The following RARB variants were observed in gnomAD, a reference collection of about 807,000 sequenced individuals.
RARB encodes the protein HBV-activated protein.
RARB carries 17 observed loss-of-function variants against 51.9 expected under a neutral mutation model. The observed-to-expected ratio is 0.33, with a 90% CI of 0.22 to 0.49. The LOEUF (loss-of-function observed/expected upper bound fraction) is 0.49. RARB is among the 20% of genes least tolerant of loss of function. The pLI is 0.99. For synonymous variants in RARB, 215 were observed against 195.4 expected, an observed-to-expected ratio of 1.10 and a Z score of -0.84; for missense variants, 369 against 550.8, an observed-to-expected ratio of 0.67 and a Z score of 3.30.
intron 5 of RARB, among the ~76,000 whole-genome samples, chr3:25,231,445 G>C (rs1019614047): frequency 6.6e-6 from 1 of 152,096 alleles, no homozygotes; most frequent in African/African-American, 2.4e-5. Context: ...TAGACCTTTA[G>C]CTTTATGTTC....
At chr3:24,894,802 A>T in intron 2 of RARB, among the ~76,000 whole-genome samples, 1 of 152,222 alleles carries the variant, frequency 6.6e-6, no homozygotes, top group East Asian at 1.9e-4. Context: ...AGAAACAGAA[A>T]TGAAGAAGAT....
intron 2 of RARB, among the ~76,000 whole-genome samples, chr3:24,999,616 T>G (rs564935861): frequency 6.6e-6 from 1 of 152,122 alleles, no homozygotes; most frequent in Non-Finnish European, 1.5e-5. Flanking sequence ...GTGCCCAAAT[T>G]CAAGACCAAC....
intron 2 of RARB, among the ~76,000 whole-genome samples, chr3:25,036,288 T>C (rs1414621782): frequency 1.3e-5 from 2 of 152,148 alleles, no homozygotes; most frequent in South Asian, 2.1e-4. Flanking sequence ...GTCAGAGCTG[T>C]TATGAAACTC....
intron 3 of RARB, among the ~76,000 whole-genome samples, chr3:25,538,418 C>T (rs150635805): frequency 3.3e-5 from 5 of 152,120 alleles, no homozygotes; most frequent in Admixed American, 3.3e-4. Context: ...TTTTAGATGT[C>T]TTATAATTGT....
At chr3:25,473,480 G>C (rs979829267) in intron 2 of RARB, among the ~76,000 whole-genome samples, 1 of 150,994 alleles carries the variant, frequency 6.6e-6, no homozygotes, top group Non-Finnish European at 1.5e-5. Context: ...GTCCTGCCTG[G>C]ATTTCTGGCA....
chr3:25,225,053 A>T (rs954503313), intron 5 of RARB, among the ~76,000 whole-genome samples: 26 of 152,164 alleles, frequency 1.7e-4, no homozygotes, highest in African/African-American at 6.3e-4. Context: ...AATAAAACTG[A>T]ATTGTGTTTT....
chr3:24,893,292 T>G (rs927972758), intron 2 of RARB, among the ~76,000 whole-genome samples: 1 of 152,232 alleles, frequency 6.6e-6, no homozygotes, highest in African/African-American at 2.4e-5. Flanking sequence ...ATATTTATAT[T>G]TGGTTACATG....
rs116073804 is a variant in RARB, at chr3:25,310,744, A to G, written c.178+136169A>G. The stretch of plus-strand genomic sequence containing the variant: ...CTGTTCACACATGATTCCACTCTAT[A>G]CTGTCTGTGCCAGTGGTTGTTCAAC... On this transcript the variant is annotated intron_variant, in intron 5 of 11. Coordinates refer to the RARB transcript ENST00000383772. Among the ~76,000 whole-genome samples the G allele has an allele frequency of 3.6e-3, 547 of 152,220 alleles. 3 individuals carry two copies. The highest frequency in any genetic ancestry group is 0.013 in the African/African-American group (521 of 41,526).
At chr3:25,021,927 T>G (rs1697647304) in intron 2 of RARB, among the ~76,000 whole-genome samples, 1 of 152,132 alleles carries the variant, frequency 6.6e-6, no homozygotes, top group South Asian at 2.1e-4. Context: ...AAATATTTGA[T>G]AAATACTGAG....
intron 2 of RARB, among the ~76,000 whole-genome samples, chr3:24,923,061 G>C (rs1695251308): frequency 6.6e-6 from 1 of 152,096 alleles, no homozygotes. Context: ...TACAACAAAA[G>C]ACACACAAAC....
intron 5 of RARB, among the ~76,000 whole-genome samples, chr3:25,291,297 A>C (rs530918439): frequency 2.0e-5 from 3 of 152,282 alleles, no homozygotes; most frequent in African/African-American, 7.2e-5. Context: ...GCATTCTGTA[A>C]AATAATGTAA....
At chr3:25,405,021 C>G (rs6550973) in intron 5 of RARB, among the ~76,000 whole-genome samples, 7,408 of 152,092 alleles carry the variant, frequency 0.049, 602 homozygotes, top group African/African-American at 0.16. Context: ...TTTCTAAATC[C>G]CACCAGGCTA....
At position 24,912,975 on chromosome 3, in the gene RARB, C is replaced by CTTTTTTTTTTTTTTTTTTTTTTT. The variant is rs386396163; in HGVS notation, c.-380+54245_-380+54246insTTTTTTTTTTTTTTTTTTTTTTT. ...GCAATACGCACACAAGGTACTGATT[C>CTTTTTTTTTTTTTTTTTTTTTTT]TTTTTTTTTTTTTTTTTTTTTTGGA... On this transcript the variant is annotated intron_variant, in intron 2 of 11. Transcript: ENST00000383772. 3.5e-3 allele frequency among the ~76,000 whole-genome samples: 262 copies of CTTTTTTTTTTTTTTTTTTTTTTT among 75,016 alleles called. 55 individuals are homozygous for CTTTTTTTTTTTTTTTTTTTTTTT. The highest frequency in any genetic ancestry group is 5.4e-3 in the Admixed American group (24 of 4,426). 49.2% of individuals were successfully genotyped at this position (75,016 alleles called of 152,430 possible). A position where few individuals can be genotyped will look rare whatever the true frequency, so the allele number is the denominator to read the frequency against.
At chr3:25,191,895 G>A (rs1429890878) in intron 5 of RARB, among the ~76,000 whole-genome samples, 5 of 152,132 alleles carry the variant, frequency 3.3e-5, no homozygotes, top group South Asian at 4.1e-4. Context: ...TTGCTGATGC[G>A]TAAGTTTTCC....
At chr3:25,209,025 G>A (rs903250161) in intron 5 of RARB, among the ~76,000 whole-genome samples, 1 of 152,200 alleles carries the variant, frequency 6.6e-6, no homozygotes, top group Non-Finnish European at 1.5e-5. Context: ...TTGCGACGAC[G>A]AGGGATTTAG....
intron 4 of RARB, among the ~76,000 whole-genome samples, chr3:25,169,975 G>T (rs183665053): frequency 3.7e-5 from 5 of 135,958 alleles, no homozygotes; most frequent in Non-Finnish European, 7.7e-5. Flanking sequence ...GTGACAGAGC[G>T]ACACCTTATT....
chr3:24,860,378 G>T (rs1194547307), intron 2 of RARB, among the ~76,000 whole-genome samples: 2 of 152,180 alleles, frequency 1.3e-5, no homozygotes, highest in African/African-American at 4.8e-5. Flanking sequence ...AACAGGACAT[G>T]AGAGAGTTGT....
intron 5 of RARB, among the ~76,000 whole-genome samples, chr3:25,404,661 T>TGG (rs201272806): frequency 6.6e-6 from 1 of 152,132 alleles, no homozygotes; most frequent in African/African-American, 2.4e-5. Context: ...AGCAGGGGCA[T>TGG]GGCGGGGAAG....
intron 4 of RARB, among the ~76,000 whole-genome samples, chr3:25,142,471 T>A (rs766212838): frequency 6.6e-6 from 1 of 152,232 alleles, no homozygotes; most frequent in Non-Finnish European, 1.5e-5. Flanking sequence ...CTTTATAAGC[T>A]ACACCCTATA....
Sources: allele counts gnomAD v4.1 joint callset (sites outside exome capture counted in the v4.1 genomes callset), GRCh38; gene constraint gnomAD v4.1.1; transcripts MANE v1.5; gene names NCBI Gene and HGNC (gene_info 2026-07-23, HGNC 2026-07-21).